Variants in ANK2 observed in about 807,000 individuals in gnomAD.
The protein encoded by ANK2 is ankyrin-2.
ANK2 carries 83 observed loss-of-function variants against 360.5 expected under a neutral mutation model. The ratio of observed to expected loss-of-function variants is 0.23; its 90% confidence interval spans 0.19 to 0.28. The LOEUF (loss-of-function observed/expected upper bound fraction) is 0.28. Ranked by LOEUF, ANK2 falls within the 10% of genes least tolerant of loss-of-function variation. The pLI, the probability that ANK2 is intolerant of heterozygous loss-of-function variation, is 1.00. For synonymous variants in ANK2, 1,740 were observed against 1,759.5 expected, an observed-to-expected ratio of 0.99 and a Z score of 0.28; for missense variants, 4,201 against 4,795.7, an observed-to-expected ratio of 0.88 and a Z score of 3.66.
intron 10 of ANK2, among the ~76,000 whole-genome samples, chr4:113,250,085 T>A (rs2045315515): frequency 6.6e-6 from 1 of 152,242 alleles, no homozygotes; most frequent in African/African-American, 2.4e-5. Context: ...TTGTCTATAT[T>A]TTTACCTGTT....
chr4:113,207,216 C>T (rs1035284468), intron 4 of ANK2, among the ~76,000 whole-genome samples: 4 of 152,114 alleles, frequency 2.6e-5, no homozygotes, highest in African/African-American at 7.2e-5. Context: ...TTATATTTTG[C>T]CTTTATGCTC....
At chr4:113,259,762 G>A (rs997073174) in intron 13 of ANK2, among the ~76,000 whole-genome samples, 6 of 146,328 alleles carry the variant, frequency 4.1e-5, no homozygotes, top group Admixed American at 1.4e-4. Context: ...AACTTTAAAA[G>A]TAATCATCAT....
rs77468290 is a variant in ANK2 at position 113,072,953 on chromosome 4, C to CTTTTTTTT, written c.84+23160_84+23167dup. ...CTCGACTCTGTCACAAGGACAGTGT[C>CTTTTTTTT]TTTTTTTTTTTTTTTTTTTTTTTTT... On this transcript the variant is annotated intron_variant, in intron 1 of 45. Coordinates refer to ENST00000357077, the MANE Select transcript of ANK2 (RefSeq NM_001148.6). 1.2e-4 allele frequency among the ~76,000 whole-genome samples: 7 copies of CTTTTTTTT among 59,408 alleles called. 2 individuals carry two copies. Among genetic ancestry groups the CTTTTTTTT allele is most frequent in the South Asian group, 5.4e-4 (1 of 1,842 alleles). 39.0% of individuals were successfully genotyped at this position (59,408 alleles called of 152,430 possible).
Position 113,228,983 on chromosome 4 carries a change from A to G in ANK2, c.385-3178A>G, listed in dbSNP as rs149965004. On this transcript the variant is annotated intron_variant, in intron 4 of 45. Transcript: ENST00000357077. ...TGCCACTCCTGGGGGCCTACCACCC[A>G]GTCCCCTTTCTACTCCTATCCCTGA... Among the ~76,000 whole-genome samples, 343 of 152,314 alleles carry G rather than the reference A, an allele frequency of 2.3e-3. 1 individual carries two copies. The highest frequency in any genetic ancestry group is 7.7e-3 in the African/African-American group (321 of 41,570).
At chr4:112,881,863 G>C (rs1215115730) in intron 1 of ANK2, 5 of 797,302 alleles carry the variant, frequency 6.3e-6, no homozygotes, top group Non-Finnish European at 1.1e-5. Flanking sequence ...CCGGGTTTTT[G>C]AGAATATTCT....
intron 2 of ANK2, among the ~76,000 whole-genome samples, chr4:112,947,197 A>G (rs2154250447): frequency 6.6e-6 from 1 of 152,230 alleles, no homozygotes; most frequent in East Asian, 1.9e-4. Flanking sequence ...TTCAATGAAT[A>G]GCTGATTTTA....
chr4:113,046,400 C>T (rs1324396619), upstream of ANK2, among the ~76,000 whole-genome samples: 1 of 151,984 alleles, frequency 6.6e-6, no homozygotes, highest in Non-Finnish European at 1.5e-5. Flanking sequence ...TTTGTGTCCT[C>T]CAAAATCATG....
intron 1 of ANK2, among the ~76,000 whole-genome samples, chr4:112,853,017 G>A (rs1329574424): frequency 2.6e-5 from 4 of 152,150 alleles, no homozygotes; most frequent in Non-Finnish European, 5.9e-5. Context: ...GAGTGCAGTA[G>A]CATGATCATG....
chr4:113,164,085 T>C (rs1196427943), intron 1 of ANK2, among the ~76,000 whole-genome samples: 1 of 152,024 alleles, frequency 6.6e-6, no homozygotes, highest in East Asian at 1.9e-4. Flanking sequence ...ATATCAACAA[T>C]AAGCTTAAAT....
intron 1 of ANK2, among the ~76,000 whole-genome samples, chr4:113,102,283 T>A (rs1361305231): frequency 1.3e-5 from 2 of 152,074 alleles, no homozygotes; most frequent in African/African-American, 4.8e-5. Context: ...TGTGGACAAC[T>A]CCCAGGTGTT....
the ANK2 span, among the ~76,000 whole-genome samples, chr4:112,737,508 G>A: frequency 1.3e-5 from 2 of 152,276 alleles, no homozygotes; most frequent in African/African-American, 2.4e-5. Flanking sequence ...ATTTGCTCCC[G>A]ATTCTGAGAT....
chr4:113,140,338 A>G (rs948561946), intron 1 of ANK2, among the ~76,000 whole-genome samples: 5 of 152,256 alleles, frequency 3.3e-5, no homozygotes, highest in Non-Finnish European at 7.3e-5. Flanking sequence ...CTTGAATTAT[A>G]GCTGCCATGA....
the ANK2 span, among the ~76,000 whole-genome samples, chr4:112,786,613 T>G: frequency 2.0e-5 from 3 of 151,928 alleles, no homozygotes; most frequent in Non-Finnish European, 2.9e-5. Context: ...GCCAGGATGG[T>G]CTGAATCTCC....
chr4:112,986,089 C>CTGATGCTATGAACCTAGACCA (rs760952561), intron 2 of ANK2, among the ~76,000 whole-genome samples: 2 of 146,054 alleles, frequency 1.4e-5, no homozygotes, highest in East Asian at 2.0e-4. Context: ...TATATATAAT[C>CTGATGCTATGAACCTAGACCA]CAATATATAG....
At chr4:112,723,908 G>T in the ANK2 span, among the ~76,000 whole-genome samples, 1 of 152,046 alleles carries the variant, frequency 6.6e-6, no homozygotes, top group East Asian at 1.9e-4. Context: ...AAATTATACT[G>T]TGTTTACATT....
the ANK2 span, among the ~76,000 whole-genome samples, chr4:112,727,957 A>G: frequency 6.6e-6 from 1 of 152,052 alleles, no homozygotes; most frequent in Admixed American, 6.6e-5. Flanking sequence ...AGCCTGGGCA[A>G]CAAGAGCGAA....
At chr4:112,819,187 A>C (rs928272565) in intron 1 of ANK2, among the ~76,000 whole-genome samples, 1 of 143,880 alleles carries the variant, frequency 7.0e-6, no homozygotes, top group African/African-American at 2.8e-5. Context: ...ACTGAAAATA[A>C]ATGTGTGTGG....
At chr4:112,957,931 T>A (rs867623626) in intron 2 of ANK2, among the ~76,000 whole-genome samples, 5 of 126,870 alleles carry the variant, frequency 3.9e-5, no homozygotes, top group African/African-American at 1.5e-4. Flanking sequence ...CGCGGCCAGG[T>A]AGAGGCGCTC....
At chr4:113,200,487 C>G (rs1466720733) in intron 4 of ANK2, among the ~76,000 whole-genome samples, 1 of 152,186 alleles carries the variant, frequency 6.6e-6, no homozygotes, top group African/African-American at 2.4e-5. Flanking sequence ...TCCCCCTCCC[C>G]ACTTTTAGAG....
Sources: allele counts gnomAD v4.1 joint callset (sites outside exome capture counted in the v4.1 genomes callset), GRCh38; gene constraint gnomAD v4.1.1; transcripts MANE v1.5; gene names NCBI Gene and HGNC (gene_info 2026-07-23, HGNC 2026-07-21).